The following POU6F2 variants were observed in gnomAD, a reference collection of about 807,000 sequenced individuals.
The protein encoded by POU6F2 is POU domain, class 6, transcription factor 2.
POU6F2 carries 31 observed loss-of-function variants against 71.3 expected under a neutral mutation model. That is an observed-to-expected ratio of 0.43 (90% CI 0.33 to 0.59). The LOEUF is 0.59. Ranked by LOEUF, POU6F2 falls within the 20% of genes least tolerant of loss-of-function variation. The pLI, the probability that POU6F2 is intolerant of heterozygous loss-of-function variation, is 0.04. For missense variants in POU6F2, 783 were observed against 856.8 expected, an observed-to-expected ratio of 0.91 and a Z score of 1.07; for synonymous variants, 347 against 355.7, an observed-to-expected ratio of 0.98 and a Z score of 0.27.
chr7:39,060,836 G>A (rs193019195), intron 1 of POU6F2, among the ~76,000 whole-genome samples: 161 of 152,176 alleles, frequency 1.1e-3, no homozygotes, highest in African/African-American at 3.4e-3. Context: ...TTGCTTTGGA[G>A]GCTGAGGCAG....
rs1792542898 is a variant in POU6F2 at position 39,143,221 on chromosome 7, A to G, written c.277+57190A>G. ...TAATGGTCAAGTTTAGCATCAAAAG[A>G]GGCTGCCAAAGGACCTAGTGAACTG... is the stretch of plus-strand genomic sequence containing the variant. On this transcript the variant is annotated intron_variant, in intron 2 of 9. Transcript: ENST00000518318. 2.0e-5 allele frequency among the ~76,000 whole-genome samples: 3 copies of G among 152,238 alleles called. No individual in the cohort carries two copies. The South Asian group carries it at 6.2e-4, about 32-fold the overall frequency.
chr7:39,347,389 T>C (rs1007164937), intron 5 of POU6F2, among the ~76,000 whole-genome samples: 14 of 152,098 alleles, frequency 9.2e-5, no homozygotes, highest in Admixed American at 2.6e-4. Context: ...GCATGTCAGT[T>C]TCGTAGCGTC....
intron 4 of POU6F2, among the ~76,000 whole-genome samples, chr7:39,220,846 G>C (rs1331511676): frequency 6.6e-6 from 1 of 151,974 alleles, no homozygotes; most frequent in Non-Finnish European, 1.5e-5. Context: ...TTGTTATTTA[G>C]AGCTGCAAAA....
At chr7:39,340,050 G>C (rs1583537324) in intron 5 of POU6F2, 35 bp downstream of exon 5, 1 of 1,564,000 alleles carries the variant, frequency 6.4e-7, no homozygotes, top group East Asian at 2.3e-5. Context: ...GCCCCTAGGA[G>C]CACCAAGGAC....
At chr7:39,241,953 C>T (rs2128751429) in intron 4 of POU6F2, among the ~76,000 whole-genome samples, 1 of 152,234 alleles carries the variant, frequency 6.6e-6, no homozygotes, top group South Asian at 2.1e-4. Flanking sequence ...ATAGTTTTGC[C>T]TTTTTCTGAA....
intron 1 of POU6F2, among the ~76,000 whole-genome samples, chr7:39,006,295 C>T (rs560322407): frequency 2.6e-5 from 4 of 152,204 alleles, no homozygotes; most frequent in Admixed American, 2.6e-4. Context: ...GACACCCCAT[C>T]TCTACTAAAA....
intron 1 of POU6F2, among the ~76,000 whole-genome samples, chr7:39,017,813 CGTGTGTGTGT>C (rs70977447): frequency 6.8e-6 from 1 of 147,924 alleles, no homozygotes; most frequent in Non-Finnish European, 1.5e-5. Context: ...ATTGTGCATG[CGTGTGTGTGT>C]GTGTGTGTGT....
intron 4 of POU6F2, among the ~76,000 whole-genome samples, chr7:39,286,744 G>T (rs752584886): frequency 9.5e-4 from 145 of 152,038 alleles, no homozygotes; most frequent in Non-Finnish European, 7.6e-4. Context: ...AATGTTAAAA[G>T]GTATCATCAT....
At chr7:39,245,014 C>G (rs971204428) in intron 4 of POU6F2, among the ~76,000 whole-genome samples, 2 of 152,150 alleles carry the variant, frequency 1.3e-5, no homozygotes, top group East Asian at 3.9e-4. Context: ...AAAAGCTATC[C>G]TGGAGATGTC....
intron 2 of POU6F2, among the ~76,000 whole-genome samples, chr7:39,149,885 CTT>C (rs70977463): frequency 3.4e-4 from 49 of 142,296 alleles, no homozygotes; most frequent in Non-Finnish European, 4.2e-4. Flanking sequence ...GCAAGATTTC[CTT>C]TTTTTTTTTT....
In POU6F2 at chr7:39,406,585, T is replaced by C. The variant is rs773444754; in HGVS notation, c.973-15T>C. ...CTCTCGGTGGTTTTCACGGTGATCT[T>C]TTCTCTCTTTGCAGCTGGTTAATAA... On this transcript the variant is annotated splice_polypyrimidine_tract_variant and intron_variant, in intron 5 of 9. Coordinates refer to ENST00000518318, the MANE Select transcript of POU6F2 (RefSeq NM_001370959.1). 3.1e-6 allele frequency: 5 copies of C among 1,606,034 alleles called. No homozygotes were observed. The highest frequency in any genetic ancestry group is 4.2e-6 in the Non-Finnish European group (5 of 1,176,670).
rs188440234 is a variant in POU6F2, at chr7:39,203,786, G to C, written c.278-449G>C. Among the ~76,000 whole-genome samples the C allele has an allele frequency of 2.6e-5, 4 of 152,290 alleles. No individual in the cohort carries two copies. In the East Asian group the frequency reaches 7.7e-4, roughly 29 times the overall value. Reference sequence around the variant, plus strand: ...CAGGAAAGCGATGTCATAAGATTCAGTGTTCAAAGAGTACGGAATAAGAAC... The same window carrying C: ...CAGGAAAGCGATGTCATAAGATTCACTGTTCAAAGAGTACGGAATAAGAAC... On this transcript the variant is annotated intron_variant, in intron 2 of 9. Transcript: ENST00000518318.
In POU6F2 at chr7:39,218,832, G is replaced by C. The variant is rs545078721; in HGVS notation, c.598+11212G>C. Among the ~76,000 whole-genome samples the C allele has an allele frequency of 6.1e-4, 93 of 152,280 alleles. 2 individuals are homozygous for C. The South Asian group carries it at 0.019, about 32-fold the overall frequency. ...AGCTGACCATGATTCGTTCAAATTT[G>C]CTGTAGAATACTGAGATGGAGATAC... is the stretch of plus-strand genomic sequence containing the variant. On this transcript the variant is annotated intron_variant, in intron 4 of 9. Coordinates refer to ENST00000518318, the MANE Select transcript of POU6F2 (RefSeq NM_001370959.1).
At chr7:39,170,725 A>C (rs1793201288) in intron 2 of POU6F2, among the ~76,000 whole-genome samples, 1 of 152,074 alleles carries the variant, frequency 6.6e-6, no homozygotes, top group South Asian at 2.1e-4. Flanking sequence ...AAAGTAGCTA[A>C]AGGAGAAGAA....
rs781644962 is a variant in POU6F2 at position 39,207,571 on chromosome 7, A to T, written c.549A>T (p.Ala183=). 3 of 1,613,890 alleles carry T rather than the reference A, an allele frequency of 1.9e-6. No homozygotes were observed. In the Admixed American group the frequency reaches 5.0e-5, roughly 27 times the overall value. ...TCACCAACATCCAAGGGCTGGTGGC[A>T]GCAGCTGCAGCCGGAGGCATTATGA... The part of the protein sequence containing the change: ...ANLTNIQGLV[A]AAAAGGIMTL... The change falls in exon 4 of 10, where the codon GCA becomes GCT. Residue 183 remains alanine, a synonymous_variant. Coordinates refer to ENST00000518318, the MANE Select transcript of POU6F2 (RefSeq NM_001370959.1).
intron 1 of POU6F2, among the ~76,000 whole-genome samples, chr7:39,030,858 C>G (rs950109738): frequency 2.7e-5 from 4 of 150,174 alleles, no homozygotes; most frequent in East Asian, 2.0e-4. Context: ...CCTGCCCCCC[C>G]CAAAAAAAAA....
chr7:39,064,300 C>T (rs1790714107), intron 1 of POU6F2, among the ~76,000 whole-genome samples: 3 of 152,024 alleles, frequency 2.0e-5, no homozygotes, highest in African/African-American at 7.2e-5. Flanking sequence ...TCTTAACACA[C>T]ATTTCATTGA....
intron 1 of POU6F2, among the ~76,000 whole-genome samples, chr7:38,992,790 G>A (rs1319941805): frequency 6.6e-6 from 1 of 152,114 alleles, no homozygotes; most frequent in Non-Finnish European, 1.5e-5. Flanking sequence ...GAAATATTGT[G>A]TTACTATTCA....
chr7:38,985,430 TA>T (rs980417698), intron 1 of POU6F2, among the ~76,000 whole-genome samples: 13 of 151,292 alleles, frequency 8.6e-5, no homozygotes, highest in African/African-American at 2.2e-4. Context: ...TTTTATCCAT[TA>T]AAAAAAAATC....
Sources: allele counts gnomAD v4.1 joint callset (sites outside exome capture counted in the v4.1 genomes callset), GRCh38; gene constraint gnomAD v4.1.1; transcripts MANE v1.5; gene names NCBI Gene and HGNC (gene_info 2026-07-23, HGNC 2026-07-21).